Variants in SEC63 observed in about 807,000 individuals in gnomAD.
SEC63 encodes the protein SEC63 protein translocation regulator.
SEC63 carries 56 observed loss-of-function variants against 116.2 expected under a neutral mutation model. The observed-to-expected ratio is 0.48, with a 90% confidence interval of 0.39 to 0.60. The LOEUF is 0.60. SEC63 is among the 20% of genes least tolerant of loss of function. SEC63 has a pLI of 0.00. For synonymous variants in SEC63, 273 were observed against 294.6 expected, an observed-to-expected ratio of 0.93 and a Z score of 0.75; for missense variants, 668 against 900.0, an observed-to-expected ratio of 0.74 and a Z score of 3.30.
chr6:107,893,484 T>G lies in SEC63; in HGVS notation c.1672A>C (p.Asn558His). Residue 558 changes from asparagine (N) to histidine (H), a missense_variant and splice_region_variant, in exon 16 of 21, where the codon AAT (asparagine) becomes CAT (histidine). This residue lies in a region of SEC63 where 430 missense variants were observed against 557.5 expected (regional missense o/e 0.77). Coordinates refer to ENST00000369002, the MANE Select transcript of SEC63 (RefSeq NM_007214.5). ...KQKQANGVVG[N>H]EAAVKEDEEE... ...AATAACGATAATAATAAACTTACAT[T>G]CCCAACGACTCCATTTGCCTGCTTT... 1.2e-6 allele frequency: 2 copies of G among 1,612,116 alleles called. No homozygotes were observed. Among genetic ancestry groups the G allele is most frequent in the Non-Finnish European group, 8.5e-7 (1 of 1,179,262 alleles).
chr6:107,915,699 C>T (rs976432963), intron 4 of SEC63, among the ~76,000 whole-genome samples: 1 of 152,048 alleles, frequency 6.6e-6, no homozygotes, highest in African/African-American at 2.4e-5. Context: ...GAAAAATGAT[C>T]TCAAATAACC....
intron 1 of SEC63, among the ~76,000 whole-genome samples, chr6:107,941,510 A>AG (rs1177355992): frequency 1.3e-5 from 2 of 152,158 alleles, no homozygotes; most frequent in East Asian, 3.8e-4. Flanking sequence ...CTCAAAAAAA[A>AG]AAAAGGAAGA....
chr6:107,913,321 AT>A, intron 5 of SEC63, 44 bp downstream of exon 5: 1 of 1,155,602 alleles, frequency 8.7e-7, no homozygotes, highest in Non-Finnish European at 1.3e-6. Context: ...CATTTTTATA[AT>A]ATATACCATA....
Position 107,942,944 on chromosome 6 carries a change from A to G in SEC63, c.125-13430T>C, listed in dbSNP as rs534763531. On this transcript the variant is annotated intron_variant, in intron 1 of 20. Transcript: ENST00000369002. ...CAATTCAACTTTTTCTGGTATTATC[A>G]TGACTTTTTTCTTCTTCGGAGCACT... Among the ~76,000 whole-genome samples the G allele has an allele frequency of 5.9e-5, 9 of 152,324 alleles. 1 individual carries two copies. Among genetic ancestry groups the G allele is most frequent in the African/African-American group, 2.2e-4 (9 of 41,578 alleles).
intron 18 of SEC63, among the ~76,000 whole-genome samples, chr6:107,879,647 A>G (rs562654337): frequency 6.6e-6 from 1 of 152,196 alleles, no homozygotes; most frequent in Admixed American, 6.5e-5. Context: ...TATCTGATAA[A>G]TAATGATCTG....
At position 107,958,047 on chromosome 6, in the gene SEC63, C is replaced by A; in HGVS notation, c.-38G>T. The A allele has an allele frequency of 6.2e-7, 1 of 1,611,672 alleles. No individual in the cohort carries two copies. The highest frequency in any genetic ancestry group is 1.1e-5 in the South Asian group (1 of 91,048). ...TCCGCCTCGCTCTTCTCACCGCCGC[C>A]GCCACGACCACGCTCTGCACTCCCG... is the stretch of plus-strand genomic sequence containing the variant. On this transcript the variant is annotated 5_prime_UTR_variant, in exon 1 of 21. Transcript: ENST00000369002.
intron 6 of SEC63, among the ~76,000 whole-genome samples, chr6:107,911,726 C>T (rs1787288303): frequency 6.6e-6 from 1 of 152,304 alleles, no homozygotes; most frequent in South Asian, 2.1e-4. Flanking sequence ...TTTTTATTTA[C>T]TGACACAATA....
intron 1 of SEC63, among the ~76,000 whole-genome samples, chr6:107,934,927 C>T (rs1334404455): frequency 1.8e-5 from 1 of 55,456 alleles, no homozygotes; most frequent in African/African-American, 8.5e-5. Context: ...CCAGCCACCC[C>T]GTCCAGGAGG....
chr6:107,881,077 A>G (rs1786403832), intron 18 of SEC63, 72 bp downstream of exon 18: 1 of 1,112,342 alleles, frequency 9.0e-7, no homozygotes, highest in Admixed American at 1.7e-5. Flanking sequence ...ACAGAGGGCT[A>G]AAAGTCAACT....
At position 107,871,562 on chromosome 6, in the gene SEC63, T is replaced by C; in HGVS notation, c.*142A>G. On this transcript the variant is annotated 3_prime_UTR_variant, in exon 21 of 21. Transcript: ENST00000369002. ...TACCAAGGCACCGCCACTGCCTAGT[T>C]ATATTATGCACCCATTTCAAGAGTA... 1.3e-6 allele frequency: 1 copy of C among 781,724 alleles called. No homozygotes were observed. Among genetic ancestry groups the C allele is most frequent in the Non-Finnish European group, 2.2e-6 (1 of 449,260 alleles). 48.4% of individuals were successfully genotyped at this position (781,724 alleles called of 1,614,324 possible). A position where few individuals can be genotyped will look rare whatever the true frequency, so the allele number is the denominator to read the frequency against.
intron 1 of SEC63, among the ~76,000 whole-genome samples, chr6:107,938,274 G>T (rs1770299458): frequency 7.9e-6 from 1 of 126,978 alleles, no homozygotes. Context: ...TTGAGACAGG[G>T]TCTTGCTCTG....
intron 16 of SEC63, among the ~76,000 whole-genome samples, chr6:107,886,851 T>G (rs1226832147): frequency 6.6e-6 from 1 of 150,870 alleles, no homozygotes; most frequent in Non-Finnish European, 1.5e-5. Flanking sequence ...TTGGGTTTTT[T>G]TTTTTTTTTT....
chr6:107,932,051 C>T, intron 1 of SEC63: 1 of 160,884 alleles, frequency 6.2e-6, no homozygotes, highest in Non-Finnish European at 1.3e-5. Context: ...ACTAAGTCAG[C>T]CATGAAGAAG....
intron 1 of SEC63, among the ~76,000 whole-genome samples, chr6:107,951,878 C>A (rs576353456): frequency 6.6e-6 from 1 of 151,072 alleles, no homozygotes; most frequent in African/African-American, 2.4e-5. Flanking sequence ...GAGGCTGAGG[C>A]AGGAGAATGG....
chr6:107,888,576 CTCTT>C (rs1036665728), intron 16 of SEC63, among the ~76,000 whole-genome samples: 1 of 152,166 alleles, frequency 6.6e-6, no homozygotes, highest in Admixed American at 6.5e-5. Context: ...TAACTGAACA[CTCTT>C]TATTTCTTTC....
chr6:107,948,892 C>G (rs1770527252), intron 1 of SEC63, among the ~76,000 whole-genome samples: 1 of 152,176 alleles, frequency 6.6e-6, no homozygotes, highest in Non-Finnish European at 1.5e-5. Flanking sequence ...AACAGAATTC[C>G]TCTTCTCCCC....
intron 1 of SEC63, among the ~76,000 whole-genome samples, chr6:107,955,178 G>A (rs1562345338): frequency 1.3e-5 from 2 of 152,204 alleles, no homozygotes; most frequent in East Asian, 3.9e-4. Context: ...TGTAAATGGA[G>A]ATAATAATAG....
intron 8 of SEC63, among the ~76,000 whole-genome samples, chr6:107,907,106 C>T (rs1009465429): frequency 2.0e-4 from 30 of 151,904 alleles, no homozygotes; most frequent in Non-Finnish European, 4.1e-4. Context: ...TAATAATTCA[C>T]GTGAAAAAAG....
intron 18 of SEC63, among the ~76,000 whole-genome samples, chr6:107,879,052 G>A (rs1034530636): frequency 6.6e-6 from 1 of 152,178 alleles, no homozygotes; most frequent in Non-Finnish European, 1.5e-5. Flanking sequence ...TCACTAACAT[G>A]TAAGTCAAAT....
Sources: gnomAD v4.1 joint callset for allele counts (sites outside exome capture counted in the v4.1 genomes callset) on GRCh38, gnomAD v4.1.1 for gene constraint, gnomAD v4.1.1 regional missense constraint, MANE v1.5 for transcripts, NCBI Gene and HGNC (gene_info 2026-07-23, HGNC 2026-07-21) for gene names.